PARD3B: variants seen among roughly 807,000 people sequenced by gnomAD.
The protein encoded by PARD3B is partitioning defective 3 homolog B.
A neutral mutation model predicts 130.2 loss-of-function variants in PARD3B; 103 were observed. The ratio of observed to expected loss-of-function variants is 0.79; its 90% CI spans 0.67 to 0.93. PARD3B has a LOEUF of 0.93. PARD3B is among the 40% of genes least tolerant of loss of function. The pLI, the probability that PARD3B is intolerant of heterozygous loss-of-function variation, is 0.00. For synonymous variants in PARD3B, 583 were observed against 553.2 expected (o/e 1.05, Z -0.76); for missense variants, 1,609 against 1,499.2 (o/e 1.07, Z -1.21).
intron 2 of PARD3B, among the ~76,000 whole-genome samples, chr2:204,772,225 T>C (rs998343038): frequency 2.6e-5 from 4 of 152,042 alleles, no homozygotes; most frequent in Non-Finnish European, 5.9e-5. Flanking sequence ...ATACAGACAT[T>C]TCACAAGGCA....
intron 2 of PARD3B, among the ~76,000 whole-genome samples, chr2:204,816,710 G>A (rs1246783022): frequency 2.0e-5 from 3 of 151,526 alleles, no homozygotes; most frequent in Non-Finnish European, 4.4e-5. Context: ...ATTTGATTAT[G>A]TTGTATCCCC....
rs1294506380 is a variant in PARD3B, at chr2:205,460,583, A to G, written c.3044+19911A>G. Among the ~76,000 whole-genome samples, 1 of 152,200 alleles carries G rather than the reference A, an allele frequency of 6.6e-6. No individual in the cohort carries two copies. Among genetic ancestry groups the G allele is most frequent in the Non-Finnish European group, 1.5e-5 (1 of 68,042 alleles). ...TCTTTCTCCTAGTGGTCATTAACAT[A>G]GAGTTTGAAGCTGGGCATAAATCCT... is the stretch of plus-strand genomic sequence containing the variant. On this transcript the variant is annotated intron_variant, in intron 20 of 22. Coordinates refer to ENST00000406610, the MANE Select transcript of PARD3B (RefSeq NM_001302769.2). The surrounding 1 kb of genome is among the most constrained non-coding windows in gnomAD (Gnocchi z 4.9).
Position 205,105,312 on chromosome 2 carries a change from A to C in PARD3B, c.593+798A>C, listed in dbSNP as rs145129877. On this transcript the variant is annotated intron_variant, in intron 5 of 22. Coordinates refer to ENST00000406610, the MANE Select transcript of PARD3B (RefSeq NM_001302769.2). This position sits in a 1 kb window ranked among gnomAD's most constrained non-coding sequence, Gnocchi z 4.0. ...AGTGTTTGCTGCTGTTTCTACTACT[A>C]TCATTAATATCACATCATCTCTATT... Among the ~76,000 whole-genome samples the C allele has an allele frequency of 6.6e-6, 1 of 152,150 alleles. No homozygotes were observed. Among genetic ancestry groups the C allele is most frequent in the African/African-American group, 2.4e-5 (1 of 41,416 alleles).
intron 1 of PARD3B, among the ~76,000 whole-genome samples, chr2:204,604,962 G>C (rs891786079): frequency 2.6e-5 from 4 of 152,092 alleles, no homozygotes; most frequent in African/African-American, 9.7e-5. Context: ...TGGCCCCTTG[G>C]TAGGGATGAC....
At chr2:205,206,978 C>T (rs1019874707) in intron 15 of PARD3B, among the ~76,000 whole-genome samples, 2 of 147,440 alleles carry the variant, frequency 1.4e-5, no homozygotes, top group African/African-American at 5.2e-5. Context: ...TAAAGCTCTC[C>T]TCAGCAAATG....
intron 18 of PARD3B, among the ~76,000 whole-genome samples, chr2:205,365,351 A>C (rs186837769): frequency 6.6e-6 from 1 of 150,590 alleles, no homozygotes; most frequent in African/African-American, 2.4e-5. Context: ...ACTGCCCTCC[A>C]GCCTGGGCAA....
chr2:204,802,252 A>G (rs1447976326), intron 2 of PARD3B, among the ~76,000 whole-genome samples: 2 of 152,222 alleles, frequency 1.3e-5, no homozygotes, highest in African/African-American at 4.8e-5. Context: ...GCTCATCATC[A>G]ATGGTCATTA....
At chr2:205,035,820 T>TATATATATATATATATATAGTGTG (rs1491091922) in intron 3 of PARD3B, among the ~76,000 whole-genome samples, 2 of 2,296 alleles carry the variant, frequency 8.7e-4, no homozygotes, top group African/African-American at 1.7e-3. Context: ...TATATATATA[T>TATATATATATATATATATAGTGTG]CTATATATCT....
chr2:205,202,903 G>A (rs574268518), intron 15 of PARD3B, among the ~76,000 whole-genome samples: 1 of 152,162 alleles, frequency 6.6e-6, no homozygotes, highest in East Asian at 1.9e-4. Context: ...TTCTCCTAAA[G>A]TTAAGTATTA....
At chr2:204,988,351 G>T (rs573090067) in intron 3 of PARD3B, among the ~76,000 whole-genome samples, 1 of 152,126 alleles carries the variant, frequency 6.6e-6, no homozygotes, top group African/African-American at 2.4e-5. Flanking sequence ...AGAAGGTAGT[G>T]GGGGGCATGT....
intron 1 of PARD3B, among the ~76,000 whole-genome samples, chr2:204,570,771 GTAA>G (rs2031950263): frequency 6.7e-6 from 1 of 150,274 alleles, no homozygotes; most frequent in African/African-American, 2.4e-5. Flanking sequence ...ATAAGCTGTT[GTAA>G]CTGAGGTGTA....
chr2:205,152,137 G>T (rs888377283), intron 10 of PARD3B, among the ~76,000 whole-genome samples: 9 of 152,212 alleles, frequency 5.9e-5, no homozygotes, highest in African/African-American at 1.9e-4. Context: ...TCAGCTGTTA[G>T]TCTGATGGGC....
rs1423031929 is a variant in PARD3B, at chr2:205,244,945, T to A, written c.2141-833T>A. Among the ~76,000 whole-genome samples, 3 of 152,246 alleles carry A rather than the reference T, an allele frequency of 2.0e-5. No individual in the cohort carries two copies. The highest frequency in any genetic ancestry group is 1.9e-4 in the East Asian group (1 of 5,192). On this transcript the variant is annotated intron_variant, in intron 15 of 22. Coordinates refer to ENST00000406610, the MANE Select transcript of PARD3B (RefSeq NM_001302769.2). This position sits in a 1 kb window ranked among gnomAD's most constrained non-coding sequence, Gnocchi z 4.7. ...ATGCTGTTCCTCTTCCAGTTTGGAA[T>A]GGTTCTTTGCCAACTCTTGGGTTAA... is the stretch of plus-strand genomic sequence containing the variant.
At chr2:205,167,368 A>T (rs1055990580) in intron 11 of PARD3B, among the ~76,000 whole-genome samples, 1 of 150,552 alleles carries the variant, frequency 6.6e-6, no homozygotes, top group African/African-American at 2.4e-5. Flanking sequence ...TGGTGTAAAT[A>T]TTTTTTTTTT....
chr2:205,363,832 CTTTTTTTTTTTTTT>C (rs59271830), intron 18 of PARD3B, among the ~76,000 whole-genome samples: 5 of 97,202 alleles, frequency 5.1e-5, no homozygotes, highest in Admixed American at 9.7e-5. Context: ...GCCTGACTGA[CTTTTTTTTTTTTTT>C]TTTTTTTTTT....
At chr2:205,094,054 C>T (rs1412054734) in intron 4 of PARD3B, among the ~76,000 whole-genome samples, 3 of 152,162 alleles carry the variant, frequency 2.0e-5, no homozygotes, top group Admixed American at 6.6e-5. Context: ...TCTCTCCATA[C>T]AGTTGTCTTT....
At chr2:205,443,369 T>C (rs1422321202) in intron 20 of PARD3B, among the ~76,000 whole-genome samples, 1 of 152,152 alleles carries the variant, frequency 6.6e-6, no homozygotes, top group East Asian at 1.9e-4. Flanking sequence ...TGACACCTAA[T>C]GTGTTCCAAC....
chr2:204,596,163 T>C (rs2033280983), intron 1 of PARD3B, among the ~76,000 whole-genome samples: 1 of 152,232 alleles, frequency 6.6e-6, no homozygotes. Flanking sequence ...CCTAGGTTAT[T>C]GTCTAATAAC....
At chr2:205,164,804 A>G (rs774350082) in intron 11 of PARD3B, among the ~76,000 whole-genome samples, 1 of 132,114 alleles carries the variant, frequency 7.6e-6, no homozygotes, top group Non-Finnish European at 1.6e-5. Context: ...ATGGGTACCT[A>G]TAGGCCATAT....
Sources: allele counts gnomAD v4.1 joint callset (sites outside exome capture counted in the v4.1 genomes callset), GRCh38; gene constraint gnomAD v4.1.1; non-coding constraint Gnocchi (gnomAD v3.1); transcripts MANE v1.5; gene names NCBI Gene and HGNC (gene_info 2026-07-23, HGNC 2026-07-21).